The following ANTXR1 variants were observed in gnomAD, a reference collection of about 807,000 sequenced individuals.
The protein encoded by ANTXR1 is anthrax toxin receptor 1.
A neutral mutation model predicts 78.1 loss-of-function variants in ANTXR1; 19 were observed. The ratio of observed to expected loss-of-function variants is 0.24; its 90% CI spans 0.17 to 0.36. ANTXR1 has a LOEUF of 0.36. Ranked by LOEUF, ANTXR1 falls within the 10% of genes least tolerant of loss-of-function variation. The probability of loss-of-function intolerance (pLI) is 1.00; values close to 1 mark genes in which losing one functional copy is unlikely to be tolerated. For missense variants in ANTXR1, 518 were observed against 718.6 expected, an observed-to-expected ratio of 0.72 and a Z score of 3.19; for synonymous variants, 273 against 260.5, an observed-to-expected ratio of 1.05 and a Z score of -0.46.
chr2:69,039,435 T>C (rs1669547499), intron 1 of ANTXR1, among the ~76,000 whole-genome samples: 1 of 152,152 alleles, frequency 6.6e-6, no homozygotes, highest in Admixed American at 6.5e-5. Flanking sequence ...AGCTGTGTCG[T>C]TTTTCTTCTT....
chr2:69,181,329 G>A (rs1020686909), intron 14 of ANTXR1, among the ~76,000 whole-genome samples: 2 of 152,188 alleles, frequency 1.3e-5, no homozygotes, highest in African/African-American at 4.8e-5. Flanking sequence ...GAGGCAGTGG[G>A]GAAGACTACA....
chr2:69,038,642 A>G (rs1362291355), intron 1 of ANTXR1, among the ~76,000 whole-genome samples: 1 of 152,204 alleles, frequency 6.6e-6, no homozygotes, highest in Non-Finnish European at 1.5e-5. Flanking sequence ...GAAATTGTGT[A>G]CTGGTGGATT....
intron 3 of ANTXR1, among the ~76,000 whole-genome samples, chr2:69,058,627 T>G (rs762468235): frequency 4.6e-5 from 7 of 152,242 alleles, no homozygotes; most frequent in South Asian, 2.1e-4. Flanking sequence ...AGGAGATTAA[T>G]GTCATTTTCA....
At chr2:69,014,523 T>A (rs1486134557) in intron 1 of ANTXR1, among the ~76,000 whole-genome samples, 1 of 152,170 alleles carries the variant, frequency 6.6e-6, no homozygotes, top group Non-Finnish European at 1.5e-5. Flanking sequence ...AAGGGAGAGC[T>A]GAATTCTGAC....
At chr2:69,139,730 A>G (rs1157196612) in intron 12 of ANTXR1, among the ~76,000 whole-genome samples, 1 of 152,194 alleles carries the variant, frequency 6.6e-6, no homozygotes, top group Non-Finnish European at 1.5e-5. Context: ...GGTGGTGTTT[A>G]CTTACCAATA....
intron 12 of ANTXR1, among the ~76,000 whole-genome samples, chr2:69,142,920 AT>A (rs1673110674): frequency 6.6e-6 from 1 of 152,142 alleles, no homozygotes; most frequent in Non-Finnish European, 1.5e-5. Flanking sequence ...GATTCCAGGG[AT>A]TTCATGGACC....
intron 12 of ANTXR1, among the ~76,000 whole-genome samples, chr2:69,133,986 T>C (rs1672834694): frequency 6.6e-6 from 1 of 152,216 alleles, no homozygotes; most frequent in South Asian, 2.1e-4. Context: ...TGGCACACAG[T>C]AGATGCCCAA....
chr2:69,212,961 C>CTTTTT (rs747933496), intron 17 of ANTXR1, among the ~76,000 whole-genome samples: 18 of 98,084 alleles, frequency 1.8e-4, no homozygotes, highest in South Asian at 3.3e-4. Context: ...TGCACATCAC[C>CTTTTT]TTTTTTTTTT....
At chr2:69,060,323 C>T (rs1487550462) in intron 3 of ANTXR1, among the ~76,000 whole-genome samples, 1 of 152,182 alleles carries the variant, frequency 6.6e-6, no homozygotes, top group African/African-American at 2.4e-5. Flanking sequence ...AGCTGACATA[C>T]CTAGCACTTG....
intron 4 of ANTXR1, 81 bp downstream of exon 4, chr2:69,070,809 C>A: frequency 1.5e-6 from 2 of 1,347,020 alleles, no homozygotes; most frequent in Non-Finnish European, 2.1e-6. Context: ...AGATAAGGCA[C>A]TTATATTAAG....
intron 2 of ANTXR1, among the ~76,000 whole-genome samples, chr2:69,043,993 T>C (rs1307661365): frequency 1.3e-5 from 2 of 152,184 alleles, no homozygotes; most frequent in Non-Finnish European, 2.9e-5. Context: ...CAGAACGGCA[T>C]TGCATTGCTG....
intron 16 of ANTXR1, among the ~76,000 whole-genome samples, chr2:69,183,783 A>G (rs189972102): frequency 6.6e-6 from 1 of 152,022 alleles, no homozygotes; most frequent in East Asian, 1.9e-4. Context: ...TAACACCTTC[A>G]ATCTTTAGCC....
intron 16 of ANTXR1, among the ~76,000 whole-genome samples, chr2:69,185,543 TAAAAAAAGAAAAAAAAA>T (rs1376544006): frequency 1.5e-5 from 1 of 66,256 alleles, no homozygotes; most frequent in South Asian, 4.0e-4. Flanking sequence ...CTATCTCAAA[TAAAAAAAGAAAAAAAAA>T]AAAAAAAGAA....
intron 7 of ANTXR1, chr2:69,077,092 T>C: frequency 2.5e-6 from 1 of 399,690 alleles, no homozygotes; most frequent in South Asian, 3.0e-5. Flanking sequence ...GCCCATGGCC[T>C]GTGCCCAAAT....
At chr2:69,166,803 G>C (rs1459385152) in intron 13 of ANTXR1, among the ~76,000 whole-genome samples, 2 of 152,206 alleles carry the variant, frequency 1.3e-5, no homozygotes, top group African/African-American at 4.8e-5. Context: ...GCCTGAGCTT[G>C]GAAGCTGATT....
chr2:69,151,269 T>C (rs1673387473), intron 12 of ANTXR1, among the ~76,000 whole-genome samples: 1 of 142,608 alleles, frequency 7.0e-6, no homozygotes. Context: ...TTTCTTAGAC[T>C]AAAAGTGGAA....
chr2:69,209,450 T>C, intron 17 of ANTXR1, among the ~76,000 whole-genome samples: 1 of 152,280 alleles, frequency 6.6e-6, no homozygotes, highest in South Asian at 2.1e-4. Context: ...ATTTATTCTT[T>C]CAACACATGT....
At chr2:69,055,515 G>A (rs554860023) in intron 3 of ANTXR1, among the ~76,000 whole-genome samples, 29 of 152,236 alleles carry the variant, frequency 1.9e-4, no homozygotes, top group South Asian at 1.9e-3. Context: ...GAGTAGTGTA[G>A]TCCACTGCTT....
chr2:69,049,457 C>G (rs555184484), intron 3 of ANTXR1, among the ~76,000 whole-genome samples: 33 of 152,122 alleles, frequency 2.2e-4, no homozygotes, highest in Non-Finnish European at 4.1e-4. Flanking sequence ...ATTACAGGTG[C>G]ACACCGCCAT....
Sources: allele counts gnomAD v4.1 joint callset (sites outside exome capture counted in the v4.1 genomes callset), GRCh38; gene constraint gnomAD v4.1.1; transcripts MANE v1.5; gene names NCBI Gene and HGNC (gene_info 2026-07-23, HGNC 2026-07-21).